The following CPB2 variants were observed in gnomAD, a reference collection of about 807,000 sequenced individuals.
The protein encoded by CPB2 is carboxypeptidase B-like protein.
Under a neutral mutation model 57.0 loss-of-function variants are expected in CPB2, and 54 were observed. The observed-to-expected ratio is 0.95, with a 90% CI of 0.76 to 1.19. CPB2 has a LOEUF of 1.19. Among genes scored for constraint, CPB2 ranks in the 50% most tolerant of loss-of-function variants. CPB2 has a pLI of 0.00. For synonymous variants in CPB2, 189 were observed against 178.1 expected (o/e 1.06, Z -0.49); for missense variants, 426 against 512.0 (o/e 0.83, Z 1.62).
chr13:46,084,233 G>A lies in CPB2; in HGVS notation c.261C>T (p.Ser87=), dbSNP rs201399827. ...VDNVKAHLNV[S]GIPCSVLLAD... ...ACGGTGCCTACCTGCATGGAATTCC[G>A]CTCACATTTAAATGGGCTTTCACAT... The change falls in exon 3 of 11, where the codon AGC becomes AGT. Residue 87 remains serine, a synonymous_variant. Coordinates refer to ENST00000181383, the MANE Select transcript of CPB2 (RefSeq NM_001872.5). 25 of 1,613,842 alleles carry A rather than the reference G, an allele frequency of 1.5e-5. No homozygotes were observed. The highest frequency in any genetic ancestry group is 8.0e-5 in the African/African-American group (6 of 74,888).
At chr13:46,096,125 C>T (rs1469871134) in intron 1 of CPB2, among the ~76,000 whole-genome samples, 1 of 151,946 alleles carries the variant, frequency 6.6e-6, no homozygotes, top group Non-Finnish European at 1.5e-5. Flanking sequence ...AGGTAATCCA[C>T]ACACCTCGGC....
intron 1 of CPB2, among the ~76,000 whole-genome samples, chr13:46,091,687 T>C (rs1441215177): frequency 6.6e-6 from 1 of 152,262 alleles, no homozygotes; most frequent in Non-Finnish European, 1.5e-5. Flanking sequence ...ACTTTTGCTT[T>C]GTTGTATTTC....
At chr13:46,082,394 C>G in intron 4 of CPB2, 47 bp downstream of exon 4, 1 of 1,105,990 alleles carries the variant, frequency 9.0e-7, no homozygotes, top group South Asian at 1.5e-5. Flanking sequence ...AATGGCAATA[C>G]TGGTTAAATG....
chr13:46,055,645 G>T, intron 10 of CPB2, 117 bp downstream of exon 10: 1 of 498,886 alleles, frequency 2.0e-6, no homozygotes, highest in Non-Finnish European at 3.6e-6. Context: ...TTACAATTCA[G>T]TTGTATTACA....
At chr13:46,063,191 G>C (rs902878741) in intron 8 of CPB2, among the ~76,000 whole-genome samples, 15 of 152,188 alleles carry the variant, frequency 9.9e-5, no homozygotes, top group Non-Finnish European at 1.2e-4. Context: ...TCGGGTTCAG[G>C]GGGTACATGT....
At chr13:46,089,874 C>T (rs2045266073) in intron 1 of CPB2, among the ~76,000 whole-genome samples, 1 of 152,174 alleles carries the variant, frequency 6.6e-6, no homozygotes, top group South Asian at 2.1e-4. Flanking sequence ...TTATAAGCTG[C>T]ACCACTTAAG....
intron 6 of CPB2, chr13:46,073,577 A>C: frequency 1.0e-5 from 3 of 289,822 alleles, no homozygotes; most frequent in Non-Finnish European, 1.3e-5. Flanking sequence ...CCTTTCCTCT[A>C]CTTAGTAAAC....
intron 1 of CPB2, among the ~76,000 whole-genome samples, chr13:46,097,842 A>G (rs1330176693): frequency 1.3e-5 from 2 of 152,212 alleles, no homozygotes; most frequent in East Asian, 3.8e-4. Flanking sequence ...TTAGTACTTT[A>G]AATCTACAAA....
intron 2 of CPB2, among the ~76,000 whole-genome samples, chr13:46,087,244 T>G (rs1408608793): frequency 6.6e-6 from 1 of 152,220 alleles, no homozygotes; most frequent in Non-Finnish European, 1.5e-5. Flanking sequence ...TCCTGGCTTC[T>G]GCTGGCTCCG....
intron 8 of CPB2, among the ~76,000 whole-genome samples, chr13:46,063,516 C>T (rs2044806756): frequency 6.6e-6 from 1 of 152,180 alleles, no homozygotes; most frequent in South Asian, 2.1e-4. Flanking sequence ...TTTTTTATGG[C>T]TGTGTAGTAT....
chr13:46,103,191 C>T (rs977398108), intron 1 of CPB2, among the ~76,000 whole-genome samples: 1 of 152,200 alleles, frequency 6.6e-6, no homozygotes, highest in African/African-American at 2.4e-5. Context: ...GGTTACTCTA[C>T]GATCAAGATG....
At chr13:46,094,501 A>T (rs997738855) in intron 1 of CPB2, among the ~76,000 whole-genome samples, 1 of 152,146 alleles carries the variant, frequency 6.6e-6, no homozygotes, top group Non-Finnish European at 1.5e-5. Context: ...GTGGGAATAG[A>T]TCCTGAGGGC....
Position 46,082,396 on chromosome 13 carries a change from G to A in CPB2, c.384+45C>T, listed in dbSNP as rs769506221. The A allele has an allele frequency of 3.5e-6, 4 of 1,133,338 alleles. No individual in the cohort carries two copies. In the South Asian group the frequency reaches 4.4e-5, roughly 12 times the overall value. 70.2% of individuals were successfully genotyped at this position (1,133,338 alleles called of 1,614,324 possible). A position where few individuals can be genotyped will look rare whatever the true frequency, so the allele number is the denominator to read the frequency against. On this transcript the variant is annotated intron_variant, in intron 4 of 10. Transcript: ENST00000181383. ...TTCCCCTGATTGAAATGGCAATACT[G>A]GTTAAATGAAAATAGTAGCTTTGAA...
At chr13:46,056,772 G>C (rs1373949966) in intron 9 of CPB2, among the ~76,000 whole-genome samples, 2 of 152,126 alleles carry the variant, frequency 1.3e-5, no homozygotes, top group African/African-American at 4.8e-5. Context: ...TTCAATGCCT[G>C]TCTAAAATGT....
chr13:46,078,182 C>T (rs1285347210), intron 5 of CPB2, among the ~76,000 whole-genome samples: 15 of 152,044 alleles, frequency 9.9e-5, no homozygotes, highest in Admixed American at 9.2e-4. Flanking sequence ...GAAAAAAAAT[C>T]ACATGTACCC....
intron 7 of CPB2, among the ~76,000 whole-genome samples, chr13:46,065,826 G>A (rs1355577689): frequency 6.6e-6 from 1 of 152,002 alleles, no homozygotes; most frequent in Non-Finnish European, 1.5e-5. Context: ...ATTAATAATA[G>A]GGTAATGATA....
At chr13:46,065,575 C>T (rs1198139617) in intron 7 of CPB2, among the ~76,000 whole-genome samples, 7 of 144,254 alleles carry the variant, frequency 4.9e-5, no homozygotes, top group African/African-American at 1.3e-4. Context: ...TGCAGTGAGC[C>T]GAGATCTTGC....
chr13:46,091,867 T>C (rs952918342), intron 1 of CPB2, among the ~76,000 whole-genome samples: 1 of 152,240 alleles, frequency 6.6e-6, no homozygotes, highest in African/African-American at 2.4e-5. Context: ...TCCAGTTTTA[T>C]AGGTAAGTGA....
chr13:46,055,969 T>C (rs117363015), intron 9 of CPB2, 120 bp from the exon 10 acceptor site: 1 of 507,322 alleles, frequency 2.0e-6, no homozygotes, highest in Non-Finnish European at 3.4e-6. Context: ...AAAATCTAGA[T>C]TCATCTAAAA....
Sources: allele counts gnomAD v4.1 joint callset (sites outside exome capture counted in the v4.1 genomes callset), GRCh38; gene constraint gnomAD v4.1.1; transcripts MANE v1.5; gene names NCBI Gene and HGNC (gene_info 2026-07-23, HGNC 2026-07-21).